The following FHIT variants were observed in gnomAD, a reference collection of about 807,000 sequenced individuals.
FHIT encodes bis(5'-adenosyl)-triphosphatase.
In FHIT, 19 loss-of-function variants were observed where a neutral mutation model predicts 17.9. That is an observed-to-expected ratio of 1.06 (90% confidence interval 0.74 to 1.56). The LOEUF (loss-of-function observed/expected upper bound fraction) is 1.56, where lower values mean the gene tolerates loss of function less well. Ranked by LOEUF, FHIT falls within the 40% of genes most tolerant of loss-of-function variation. The pLI is 0.00. For missense variants in FHIT, 248 were observed against 189.2 expected, an observed-to-expected ratio of 1.31 and a Z score of -1.82; for synonymous variants, 81 against 69.7, an observed-to-expected ratio of 1.16 and a Z score of -0.81.
intron 7 of FHIT, among the ~76,000 whole-genome samples, chr3:60,004,916 T>G (rs1699864261): frequency 6.6e-6 from 1 of 152,176 alleles, no homozygotes; most frequent in Non-Finnish European, 1.5e-5. Context: ...CATGCATTAA[T>G]CCATTTGGTC....
chr3:60,206,436 A>C (rs1335926342), intron 5 of FHIT, among the ~76,000 whole-genome samples: 1 of 152,124 alleles, frequency 6.6e-6, no homozygotes, highest in Non-Finnish European at 1.5e-5. Flanking sequence ...ATCTGGGTAG[A>C]TGTTGACTTT....
At chr3:60,822,394 G>C (rs1195926533) in intron 3 of FHIT, among the ~76,000 whole-genome samples, 2 of 152,122 alleles carry the variant, frequency 1.3e-5, no homozygotes, top group Non-Finnish European at 2.9e-5. Context: ...AGTCTGGTGG[G>C]AAGAGTCTTT....
intron 4 of FHIT, among the ~76,000 whole-genome samples, chr3:60,633,233 C>A (rs1289845449): frequency 6.6e-6 from 1 of 152,122 alleles, no homozygotes; most frequent in African/African-American, 2.4e-5. Flanking sequence ...ATGAGTCAAA[C>A]CACCTGATTC....
chr3:60,135,885 G>A (rs1017885766), intron 5 of FHIT, among the ~76,000 whole-genome samples: 2 of 152,058 alleles, frequency 1.3e-5, no homozygotes, highest in Non-Finnish European at 2.9e-5. Context: ...CAGTAGAGTG[G>A]CTCAAAATCT....
chr3:60,262,089 T>C (rs527897001), intron 5 of FHIT, among the ~76,000 whole-genome samples: 1 of 152,206 alleles, frequency 6.6e-6, no homozygotes, highest in East Asian at 1.9e-4. Context: ...ATAAAACTTA[T>C]GTTAAATAAA....
chr3:61,078,652 T>G (rs1349174295), intron 2 of FHIT, among the ~76,000 whole-genome samples: 1 of 152,158 alleles, frequency 6.6e-6, no homozygotes, highest in Non-Finnish European at 1.5e-5. Context: ...TCTTGCTTTC[T>G]CCAATAATAT....
intron 5 of FHIT, among the ~76,000 whole-genome samples, chr3:60,408,559 G>A (rs970034744): frequency 2.0e-5 from 3 of 152,120 alleles, no homozygotes; most frequent in Admixed American, 1.3e-4. Context: ...AAAGATCAGT[G>A]AATGTCTCAA....
chr3:60,582,448 G>A (rs2037778179), intron 4 of FHIT, among the ~76,000 whole-genome samples: 1 of 152,042 alleles, frequency 6.6e-6, no homozygotes, highest in African/African-American at 2.4e-5. Flanking sequence ...TCTGAACTAC[G>A]AAAATCATTT....
At chr3:59,960,946 T>C (rs1707646832) in intron 7 of FHIT, among the ~76,000 whole-genome samples, 1 of 152,198 alleles carries the variant, frequency 6.6e-6, no homozygotes, top group Non-Finnish European at 1.5e-5. Flanking sequence ...AAGGAATAGA[T>C]TAAATTTGAA....
chr3:60,644,449 A>T (rs1467508843), intron 4 of FHIT, among the ~76,000 whole-genome samples: 1 of 152,250 alleles, frequency 6.6e-6, no homozygotes, highest in Admixed American at 6.5e-5. Flanking sequence ...AAATAGATAC[A>T]TTTATTAATA....
intron 5 of FHIT, among the ~76,000 whole-genome samples, chr3:60,302,653 TTG>T (rs1216606147): frequency 5.3e-5 from 8 of 152,264 alleles, no homozygotes; most frequent in Non-Finnish European, 1.0e-4. Context: ...ATTTCAAAGG[TTG>T]TCTTTCGTAT....
intron 5 of FHIT, among the ~76,000 whole-genome samples, chr3:60,145,205 C>A (rs954394097): frequency 6.6e-6 from 1 of 152,068 alleles, no homozygotes; most frequent in Admixed American, 6.6e-5. Flanking sequence ...ACACAGACCT[C>A]GGTGTTATTG....
chr3:61,076,659 T>C (rs2034981773), intron 2 of FHIT, among the ~76,000 whole-genome samples: 2 of 152,186 alleles, frequency 1.3e-5, no homozygotes, highest in Non-Finnish European at 2.9e-5. Context: ...ATCTTGTGTA[T>C]ATTGTTTCTA....
intron 5 of FHIT, among the ~76,000 whole-genome samples, chr3:60,099,717 C>T (rs995020360): frequency 4.6e-5 from 7 of 152,156 alleles, no homozygotes; most frequent in Non-Finnish European, 1.0e-4. Flanking sequence ...AATGGTTCAT[C>T]TCAAATTTTT....
Position 60,982,062 on chromosome 3 carries a change from C to T in FHIT, c.-111+59985G>A, listed in dbSNP as rs563712483. On this transcript the variant is annotated intron_variant, in intron 3 of 9. Transcript: ENST00000492590. ...CCACAGCCTCCTAATGTCCTGCTTC[C>T]ACTCTTGCCCTTCCAGTTCATTCTG... Among the ~76,000 whole-genome samples the T allele has an allele frequency of 7.2e-5, 11 of 152,336 alleles. No individual in the cohort carries two copies. The East Asian group carries it at 1.7e-3, about 24-fold the overall frequency.
intron 5 of FHIT, among the ~76,000 whole-genome samples, chr3:60,355,246 T>A (rs1699598499): frequency 6.6e-6 from 1 of 152,196 alleles, no homozygotes; most frequent in Non-Finnish European, 1.5e-5. Context: ...CTTCTCGATT[T>A]ACAAGCTTTC....
intron 5 of FHIT, among the ~76,000 whole-genome samples, chr3:60,157,479 G>GA (rs776094121): frequency 9.2e-5 from 14 of 151,810 alleles, no homozygotes; most frequent in South Asian, 6.2e-4. Flanking sequence ...ATGATATTCT[G>GA]AAAAAAAATA....
chr3:60,629,135 G>C (rs539635867), intron 4 of FHIT, among the ~76,000 whole-genome samples: 1 of 152,096 alleles, frequency 6.6e-6, no homozygotes, highest in Non-Finnish European at 1.5e-5. Context: ...CTGCAGTTTA[G>C]GGCAGAGGGA....
At chr3:61,078,460 G>A (rs1362579688) in intron 2 of FHIT, among the ~76,000 whole-genome samples, 1 of 152,050 alleles carries the variant, frequency 6.6e-6, no homozygotes, top group African/African-American at 2.4e-5. Context: ...GTGGCTTCTA[G>A]GAAGAACGAG....
Sources: gnomAD v4.1 joint callset for allele counts (sites outside exome capture counted in the v4.1 genomes callset) on GRCh38, gnomAD v4.1.1 for gene constraint, MANE v1.5 for transcripts, NCBI Gene and HGNC (gene_info 2026-07-23, HGNC 2026-07-21) for gene names.